NAV3: variants seen among roughly 807,000 people sequenced by gnomAD.
NAV3 encodes the protein neuron navigator 3, also known as pore membrane and/or filament interacting like protein 1.
Under a neutral mutation model 244.7 loss-of-function variants are expected in NAV3, and 87 were observed. That is an observed-to-expected ratio of 0.36 (90% CI 0.30 to 0.42). The LOEUF is 0.42. NAV3 is among the 20% of genes least tolerant of loss of function. The pLI, the probability that NAV3 is intolerant of heterozygous loss-of-function variation, is 1.00. For missense variants in NAV3, 2,663 were observed against 2,893.3 expected (o/e 0.92, Z 1.83); for synonymous variants, 1,126 against 1,042.2 (o/e 1.08, Z -1.55).
chr12:77,632,145 C>A (rs1871936220), intron 2 of NAV3, among the ~76,000 whole-genome samples: 2 of 152,244 alleles, frequency 1.3e-5, no homozygotes, highest in South Asian at 4.1e-4. Context: ...GATGCTTAAT[C>A]ATGCTATTCT....
intron 1 of NAV3, among the ~76,000 whole-genome samples, chr12:77,843,578 A>G (rs961322041): frequency 4.0e-5 from 6 of 151,388 alleles, no homozygotes; most frequent in African/African-American, 1.2e-4. Context: ...GGTTCTTTTT[A>G]GGAATCTATA....
intron 2 of NAV3, among the ~76,000 whole-genome samples, chr12:77,722,783 G>A (rs758330215): frequency 6.6e-6 from 1 of 152,012 alleles, no homozygotes; most frequent in African/African-American, 2.4e-5. Flanking sequence ...ATTATTGATA[G>A]AAATTTTGTC....
intron 1 of NAV3, among the ~76,000 whole-genome samples, chr12:77,841,921 AGAT>A (rs1488544591): frequency 3.3e-5 from 5 of 152,194 alleles, no homozygotes; most frequent in African/African-American, 1.2e-4. Flanking sequence ...GAACTCAGTG[AGAT>A]GATAATACCT....
At chr12:77,926,400 T>G (rs948156086) in intron 1 of NAV3, among the ~76,000 whole-genome samples, 1 of 152,160 alleles carries the variant, frequency 6.6e-6, no homozygotes, top group Admixed American at 6.5e-5. Context: ...CCTCCCAAGC[T>G]TCTTTTTACA....
intron 12 of NAV3, among the ~76,000 whole-genome samples, chr12:78,111,964 T>C (rs1011251917): frequency 1.7e-4 from 26 of 152,226 alleles, no homozygotes; most frequent in African/African-American, 5.8e-4. Flanking sequence ...TTATTGGTGT[T>C]CCACGTTGCA....
chr12:77,794,629 T>G (rs541886129), intron 2 of NAV3, among the ~76,000 whole-genome samples: 26 of 152,320 alleles, frequency 1.7e-4, no homozygotes, highest in African/African-American at 6.0e-4. Context: ...AAAAAACTAA[T>G]TGAAGGTTTG....
At chr12:77,876,359 G>A (rs1000510689) in intron 1 of NAV3, among the ~76,000 whole-genome samples, 5 of 152,042 alleles carry the variant, frequency 3.3e-5, no homozygotes, top group Admixed American at 1.3e-4. Context: ...AGGCACTTGA[G>A]CAGGAATATA....
At chr12:77,930,775 T>C (rs1315173440) in intron 1 of NAV3, among the ~76,000 whole-genome samples, 1 of 152,180 alleles carries the variant, frequency 6.6e-6, no homozygotes, top group South Asian at 2.1e-4. Context: ...GTATAATATA[T>C]CCTTATTTTA....
At chr12:77,834,346 G>A (rs780240639) in intron 1 of NAV3, among the ~76,000 whole-genome samples, 4 of 152,106 alleles carry the variant, frequency 2.6e-5, no homozygotes, top group Non-Finnish European at 5.9e-5. Context: ...AGAAAAATCA[G>A]TTAAAATAAA....
chr12:77,613,109 G>A (rs1004865478), intron 2 of NAV3, among the ~76,000 whole-genome samples: 1 of 152,060 alleles, frequency 6.6e-6, no homozygotes, highest in African/African-American at 2.4e-5. Context: ...TTTATTAGCA[G>A]CATGAGAACG....
At chr12:78,118,447 C>G (rs1006573413) in intron 14 of NAV3, 150 bp downstream of exon 14, 1 of 1,142,056 alleles carries the variant, frequency 8.8e-7, no homozygotes, top group African/African-American at 1.6e-5. Context: ...GTTTTTCTGT[C>G]TACGTTTCAC....
chr12:78,204,295 T>G (rs1185059569), intron 38 of NAV3, among the ~76,000 whole-genome samples: 5 of 152,084 alleles, frequency 3.3e-5, no homozygotes, highest in African/African-American at 9.7e-5. Context: ...ACATGGCACA[T>G]GTATACATAT....
intron 2 of NAV3, among the ~76,000 whole-genome samples, chr12:77,767,422 G>C (rs1869832314): frequency 6.6e-6 from 1 of 152,086 alleles, no homozygotes; most frequent in Non-Finnish European, 1.5e-5. Context: ...CACTTGGCCT[G>C]GTAGTCTGCA....
intron 2 of NAV3, among the ~76,000 whole-genome samples, chr12:77,629,421 A>T (rs1344815823): frequency 6.6e-6 from 1 of 152,206 alleles, no homozygotes; most frequent in Non-Finnish European, 1.5e-5. Context: ...TTTTAAGCTG[A>T]CCTGGCAATG....
At chr12:77,661,205 A>G (rs1873430433) in intron 2 of NAV3, among the ~76,000 whole-genome samples, 1 of 152,158 alleles carries the variant, frequency 6.6e-6, no homozygotes, top group Non-Finnish European at 1.5e-5. Flanking sequence ...CCCGCCAGCC[A>G]TGTCTGAGAG....
intron 2 of NAV3, among the ~76,000 whole-genome samples, chr12:77,819,728 A>G (rs1872659129): frequency 6.6e-6 from 1 of 152,180 alleles, no homozygotes; most frequent in South Asian, 2.1e-4. Context: ...ATAATGATAC[A>G]AAATTTTACA....
intron 12 of NAV3, among the ~76,000 whole-genome samples, chr12:78,109,022 G>A (rs1954947158): frequency 6.6e-6 from 1 of 151,802 alleles, no homozygotes; most frequent in African/African-American, 2.4e-5. Flanking sequence ...CTAAAATTTG[G>A]TTATTCAACA....
intron 5 of NAV3, among the ~76,000 whole-genome samples, chr12:77,983,293 A>G (rs1045614941): frequency 2.6e-5 from 4 of 152,182 alleles, no homozygotes; most frequent in Non-Finnish European, 5.9e-5. Context: ...AAGAGAATGA[A>G]CAGTTTAATG....
At chr12:77,656,435 C>G in intron 2 of NAV3, among the ~76,000 whole-genome samples, 1 of 122,230 alleles carries the variant, frequency 8.2e-6, no homozygotes, top group Non-Finnish European at 1.6e-5. Context: ...GCACCCAATA[C>G]AGGAGCACCC....
Sources: gnomAD v4.1 joint callset for allele counts (sites outside exome capture counted in the v4.1 genomes callset) on GRCh38, gnomAD v4.1.1 for gene constraint, MANE v1.5 for transcripts, NCBI Gene and HGNC (gene_info 2026-07-23, HGNC 2026-07-21) for gene names.